Variants in TMTC2 observed in about 807,000 individuals in gnomAD.
TMTC2 encodes the protein protein O-mannosyl-transferase TMTC2.
Under a neutral mutation model 82.4 loss-of-function variants are expected in TMTC2, and 43 were observed. The observed-to-expected ratio is 0.52, with a 90% CI of 0.41 to 0.67. The LOEUF (loss-of-function observed/expected upper bound fraction) is 0.67. Among genes scored for constraint, TMTC2 ranks in the 30% least tolerant of loss-of-function variants. The pLI is 0.00. For synonymous variants in TMTC2, 408 were observed against 381.9 expected (o/e 1.07, Z -0.80); for missense variants, 919 against 1,012.4 (o/e 0.91, Z 1.25).
chr12:82,716,351 T>C (rs1873895767), intron 1 of TMTC2, among the ~76,000 whole-genome samples: 1 of 151,962 alleles, frequency 6.6e-6, no homozygotes, highest in Admixed American at 6.6e-5. Flanking sequence ...TTCGTATGCT[T>C]GTCTGGTACA....
chr12:82,993,773 G>A lies in TMTC2; in HGVS notation c.2070+7727G>A, dbSNP rs192229617. 5.0e-4 allele frequency among the ~76,000 whole-genome samples: 76 copies of A among 152,262 alleles called. No individual in the cohort carries two copies. In the East Asian group the frequency reaches 0.011, roughly 22 times the overall value. On this transcript the variant is annotated intron_variant, in intron 8 of 11. Transcript: ENST00000321196. ...TAGTCAGCGACTCTCTGAGGCTGGC[G>A]TGCGGGTGGTAAAGGAATTTACCAA...
chr12:82,956,605 G>A (rs1055146664), intron 4 of TMTC2, among the ~76,000 whole-genome samples: 9 of 151,812 alleles, frequency 5.9e-5, no homozygotes, highest in Non-Finnish European at 8.8e-5. Context: ...AGGTGCCCAC[G>A]ACCATGTCTG....
intron 7 of TMTC2, among the ~76,000 whole-genome samples, chr12:82,982,533 C>G (rs1421672324): frequency 1.3e-5 from 2 of 150,384 alleles, no homozygotes; most frequent in Non-Finnish European, 3.0e-5. Flanking sequence ...AACTAAAGTA[C>G]ATATTCTAGA....
chr12:82,928,424 G>A (rs1875841952), intron 3 of TMTC2, among the ~76,000 whole-genome samples: 1 of 152,100 alleles, frequency 6.6e-6, no homozygotes, highest in South Asian at 2.1e-4. Flanking sequence ...CGCCTATTAT[G>A]TTTGAAGATA....
intron 2 of TMTC2, among the ~76,000 whole-genome samples, chr12:82,868,171 C>T (rs1299757352): frequency 6.6e-6 from 1 of 152,186 alleles, no homozygotes; most frequent in Non-Finnish European, 1.5e-5. Flanking sequence ...TGTCAGCATT[C>T]TATGGCATTT....
intron 1 of TMTC2, among the ~76,000 whole-genome samples, chr12:82,785,480 T>C (rs1166004198): frequency 6.6e-6 from 1 of 151,894 alleles, no homozygotes; most frequent in Non-Finnish European, 1.5e-5. Flanking sequence ...CACATGACTT[T>C]TATTTAGTTT....
chr12:82,824,184 G>A (rs1869278332), intron 1 of TMTC2, among the ~76,000 whole-genome samples: 2 of 152,130 alleles, frequency 1.3e-5, no homozygotes, highest in South Asian at 4.1e-4. Flanking sequence ...CTGGGCCACC[G>A]CGCCTGGCCT....
chr12:83,025,054 G>A (rs1472828397), intron 8 of TMTC2, among the ~76,000 whole-genome samples: 2 of 152,068 alleles, frequency 1.3e-5, no homozygotes, highest in Non-Finnish European at 2.9e-5. Context: ...TTAGCCGGGT[G>A]TGGTGGTGCA....
chr12:82,826,026 A>G (rs1869400854), intron 1 of TMTC2, among the ~76,000 whole-genome samples: 1 of 152,236 alleles, frequency 6.6e-6, no homozygotes, highest in South Asian at 2.1e-4. Flanking sequence ...TTAAGGGGAA[A>G]CAGCAGGTGA....
intron 4 of TMTC2, among the ~76,000 whole-genome samples, chr12:82,963,905 A>G (rs1339713648): frequency 6.9e-6 from 1 of 144,692 alleles, no homozygotes; most frequent in Non-Finnish European, 1.5e-5. Context: ...CTTTGTAGCA[A>G]CTATGAGAAA....
Position 82,896,619 on chromosome 12 carries a change from T to C in TMTC2, c.1456T>C (p.Ser486Pro). The C allele has an allele frequency of 6.2e-7, 1 of 1,611,082 alleles. No homozygotes were observed. The highest frequency in any genetic ancestry group is 8.5e-7 in the Non-Finnish European group (1 of 1,179,084). The part of the protein sequence containing the change: ...DWQNEEMLYR[S>P]GIKVNPAKAW... ...GCAGAATGAGGAAATGCTTTATAGATCAGGGATAAAAGTAAACCCAGCTAA... is the reference window on the plus strand; with the variant it reads ...GCAGAATGAGGAAATGCTTTATAGACCAGGGATAAAAGTAAACCCAGCTAA... The change falls in exon 3 of 12, where the codon TCA becomes CCA. Residue 486 changes from serine to proline, a missense_variant. Ser to Pro is a moderately conservative substitution (Grantham distance 74). Transcript: ENST00000321196.
At chr12:82,749,990 G>A (rs966796299) in intron 1 of TMTC2, among the ~76,000 whole-genome samples, 1 of 151,906 alleles carries the variant, frequency 6.6e-6, no homozygotes, top group Non-Finnish European at 1.5e-5. Flanking sequence ...CACCTGCCTC[G>A]GCCACCCAAA....
At chr12:82,783,514 A>G (rs961651012) in intron 1 of TMTC2, among the ~76,000 whole-genome samples, 1 of 151,954 alleles carries the variant, frequency 6.6e-6, no homozygotes, top group African/African-American at 2.4e-5. Flanking sequence ...TAAGATTCTG[A>G]TTGTGGATTT....
chr12:82,729,437 C>T (rs1231421919), intron 1 of TMTC2, among the ~76,000 whole-genome samples: 1 of 152,126 alleles, frequency 6.6e-6, no homozygotes, highest in Non-Finnish European at 1.5e-5. Context: ...TTTGTAAATA[C>T]ACCAGTCAGC....
chr12:82,979,180 C>T (rs541939290), intron 7 of TMTC2, among the ~76,000 whole-genome samples: 2 of 151,454 alleles, frequency 1.3e-5, no homozygotes, highest in South Asian at 4.1e-4. Context: ...CATTTATATT[C>T]AATATTATAA....
chr12:82,917,216 T>G (rs1875048296), intron 3 of TMTC2, among the ~76,000 whole-genome samples: 1 of 152,204 alleles, frequency 6.6e-6, no homozygotes, highest in Non-Finnish European at 1.5e-5. Flanking sequence ...TCGTTTTCAG[T>G]TCCATGCAGT....
intron 1 of TMTC2, among the ~76,000 whole-genome samples, chr12:82,692,591 T>G (rs1872624389): frequency 1.3e-5 from 2 of 152,214 alleles, no homozygotes; most frequent in South Asian, 2.1e-4. Context: ...ACCTACTTTC[T>G]TATAACTTTA....
chr12:83,001,824 A>G (rs1879939821), intron 8 of TMTC2, among the ~76,000 whole-genome samples: 2 of 152,050 alleles, frequency 1.3e-5, no homozygotes, highest in South Asian at 4.2e-4. Context: ...ATCTGAGACC[A>G]CCTCAGCCTT....
intron 1 of TMTC2, among the ~76,000 whole-genome samples, chr12:82,741,528 C>G (rs1430769202): frequency 6.6e-6 from 1 of 152,194 alleles, no homozygotes; most frequent in Non-Finnish European, 1.5e-5. Context: ...TCAGGCTGGT[C>G]TTGAACTCCT....
Sources: allele counts gnomAD v4.1 joint callset (sites outside exome capture counted in the v4.1 genomes callset), GRCh38; gene constraint gnomAD v4.1.1; transcripts MANE v1.5; gene names NCBI Gene and HGNC (gene_info 2026-07-23, HGNC 2026-07-21).